Variants in PADI4 observed in about 807,000 individuals in gnomAD.
PADI4 encodes the protein peptidyl arginine deiminase 4.
Under a neutral mutation model 75.0 loss-of-function variants are expected in PADI4, and 62 were observed. That is an observed-to-expected ratio of 0.83 (90% CI 0.67 to 1.02). PADI4 has a LOEUF of 1.02. Ranked by LOEUF, PADI4 falls within the 50% of genes least tolerant of loss-of-function variation. The pLI, the probability that PADI4 is intolerant of heterozygous loss-of-function variation, is 0.00. For synonymous variants in PADI4, 361 were observed against 348.1 expected (o/e 1.04, Z -0.41); for missense variants, 845 against 850.5 (o/e 0.99, Z 0.08).
chr1:17,311,525 C>CTTTTT (rs563562288), intron 1 of PADI4, among the ~76,000 whole-genome samples: 1 of 145,412 alleles, frequency 6.9e-6, no homozygotes, highest in African/African-American at 2.5e-5. Context: ...TCTCCTTCTT[C>CTTTTT]TTTTTTTTTT....
At chr1:17,331,177 T>C in intron 2 of PADI4, 28 bp downstream of exon 2, 1 of 1,591,734 alleles carries the variant, frequency 6.3e-7, no homozygotes, top group Non-Finnish European at 8.6e-7. Context: ...GGGGTGGCAG[T>C]GTGGATGGGC....
In PADI4 at chr1:17,356,092, G is replaced by A. The variant is rs750630189; in HGVS notation, c.1420G>A (p.Glu474Lys). ...CTGGCTGTCCGTGGGCCACGTGGACGAGTTCCTGAGCTTTGTGCCAGCACC... is the reference window on the plus strand; with the variant it reads ...CTGGCTGTCCGTGGGCCACGTGGACAAGTTCCTGAGCTTTGTGCCAGCACC... ...SDWLSVGHVDEFLSFVPAPDR... is the reference protein window; with the variant it reads ...SDWLSVGHVDKFLSFVPAPDR... Residue 474 changes from glutamate to lysine, a missense_variant, in exon 12 of 16, where the codon GAG (glutamate) becomes AAG (lysine). Transcript: ENST00000375448. The surrounding 1 kb of genome is among the most constrained non-coding windows in gnomAD (Gnocchi z 4.1). 2.0e-5 allele frequency: 32 copies of A among 1,614,242 alleles called. No individual in the cohort carries two copies. The highest frequency in any genetic ancestry group is 4.5e-5 in the East Asian group (2 of 44,870).
chr1:17,354,014 T>C (rs901473399), intron 10 of PADI4, among the ~76,000 whole-genome samples: 2 of 151,014 alleles, frequency 1.3e-5, no homozygotes, highest in Non-Finnish European at 2.9e-5. Context: ...TCGAGGCAGA[T>C]GGATCACTTG....
chr1:17,354,249 A>G (rs549437361), intron 10 of PADI4, among the ~76,000 whole-genome samples: 13 of 151,982 alleles, frequency 8.6e-5, no homozygotes, highest in East Asian at 3.9e-4. Context: ...TCTTAAGGGG[A>G]AAAAAAATGA....
rs532970634 is a variant in PADI4, at chr1:17,352,361, T to C, written c.1156-2172T>C. Among the ~76,000 whole-genome samples the C allele has an allele frequency of 5.9e-5, 9 of 152,114 alleles. No homozygotes were observed. The South Asian group carries it at 1.9e-3, about 32-fold the overall frequency. Reference sequence around the variant, plus strand: ...TGGGGTTGGGCTTGTTGGCTACTGTTAAGGCTGCTTGTTTAGAAACTGAGA... The same window carrying C: ...TGGGGTTGGGCTTGTTGGCTACTGTCAAGGCTGCTTGTTTAGAAACTGAGA... On this transcript the variant is annotated intron_variant, in intron 10 of 15. Transcript: ENST00000375448.
intron 2 of PADI4, among the ~76,000 whole-genome samples, chr1:17,333,639 A>C (rs181673733): frequency 5.9e-5 from 9 of 151,444 alleles, no homozygotes; most frequent in African/African-American, 2.2e-4. Context: ...CCCCATCTCC[A>C]GCTGCTGGGC....
In PADI4 at chr1:17,364,004, A is replaced by G; in HGVS notation, c.*249A>G. Reference sequence around the variant, plus strand: ...GTTTTTTTAAGTCACTTTGTACATGAGGTCAAGATGTTGTTGGTATCATTC... The same window carrying G: ...GTTTTTTTAAGTCACTTTGTACATGGGGTCAAGATGTTGTTGGTATCATTC... On this transcript the variant is annotated 3_prime_UTR_variant, in exon 16 of 16. Transcript: ENST00000375448. The G allele has an allele frequency of 2.7e-6, 1 of 366,042 alleles. No individual in the cohort carries two copies. Among genetic ancestry groups the G allele is most frequent in the Admixed American group, 4.3e-5 (1 of 23,174 alleles). The allele number at this position is 366,042 out of a possible 1,614,324, so 22.7% of individuals were successfully genotyped here. A position where few individuals can be genotyped will look rare whatever the true frequency, so the allele number is the denominator to read the frequency against.
chr1:17,341,910 C>G, intron 6 of PADI4, 33 bp from the exon 7 acceptor site: 1 of 1,568,718 alleles, frequency 6.4e-7, no homozygotes. Context: ...GAAGTGGGGA[C>G]GCAGACCTGA....
At chr1:17,338,440 A>T (rs1313399440) in intron 5 of PADI4, among the ~76,000 whole-genome samples, 1 of 152,150 alleles carries the variant, frequency 6.6e-6, no homozygotes, top group Non-Finnish European at 1.5e-5. Context: ...AAACGCTCTT[A>T]GGTCAAACCT....
intron 15 of PADI4, among the ~76,000 whole-genome samples, chr1:17,363,149 C>T (rs545203208): frequency 1.1e-4 from 17 of 152,072 alleles, no homozygotes; most frequent in Admixed American, 7.9e-4. Flanking sequence ...CTCGCTCTGT[C>T]GCCCAAGCTG....
chr1:17,328,911 A>G (rs1464691869), intron 1 of PADI4, among the ~76,000 whole-genome samples: 2 of 151,704 alleles, frequency 1.3e-5, no homozygotes, highest in African/African-American at 2.4e-5. Context: ...ATCCTAAACT[A>G]CGCCTTCAGA....
chr1:17,343,325 G>A (rs2074456945), intron 8 of PADI4, among the ~76,000 whole-genome samples: 1 of 152,198 alleles, frequency 6.6e-6, no homozygotes, highest in South Asian at 2.1e-4. Context: ...TTTTGGGGAG[G>A]CCCAGGCAAT....
intron 1 of PADI4, among the ~76,000 whole-genome samples, chr1:17,314,169 G>C (rs545279191): frequency 2.1e-4 from 32 of 152,302 alleles, no homozygotes; most frequent in Admixed American, 2.0e-3. Flanking sequence ...TCCACCTGCT[G>C]TGTGCCCCTC....
intron 10 of PADI4, among the ~76,000 whole-genome samples, chr1:17,351,974 G>GGAGACAGGAGGCA (rs2074641884): frequency 1.9e-5 from 1 of 52,904 alleles, no homozygotes. Flanking sequence ...CGGCCAGGGA[G>GGAGACAGGAGGCA]GTGATGGGAG....
At chr1:17,314,983 G>A (rs183313825) in intron 1 of PADI4, among the ~76,000 whole-genome samples, 1 of 152,212 alleles carries the variant, frequency 6.6e-6, no homozygotes, top group Non-Finnish European at 1.5e-5. Context: ...CCAGGTCAGT[G>A]CCACCCGGGG....
chr1:17,338,468 G>T (rs901231780), intron 5 of PADI4, among the ~76,000 whole-genome samples: 2 of 152,242 alleles, frequency 1.3e-5, no homozygotes, highest in South Asian at 2.1e-4. Flanking sequence ...GAAATCCTTC[G>T]AAATGAAAGC....
intron 2 of PADI4, among the ~76,000 whole-genome samples, chr1:17,332,562 A>G (rs756485087): frequency 2.6e-5 from 4 of 152,124 alleles, no homozygotes; most frequent in Non-Finnish European, 4.4e-5. Flanking sequence ...AAGATCCTCA[A>G]CTTAGATCTG....
In PADI4 at chr1:17,331,034, C is replaced by T; in HGVS notation, c.158C>T (p.Ala53Val). The change falls in exon 2 of 16, where the codon GCC (alanine) becomes GTC (valine). Residue 53 changes from alanine (A) to valine (V), a missense_variant. Ala to Val is a moderately conservative substitution (Grantham distance 64). Transcript: ENST00000375448. Reference protein sequence around the residue: ...NASPGVVVDIAHGPPAKKKST... With the variant: ...NASPGVVVDIVHGPPAKKKST... The stretch of plus-strand genomic sequence containing the variant: ...TCCCCAGGGGTGGTCGTGGATATTG[C>T]CCACGGCCCTCCAGCCAAGAAGAAA... The T allele has an allele frequency of 6.2e-7, 1 of 1,609,064 alleles. No homozygotes were observed.
rs2074757156 is a variant in PADI4, at chr1:17,356,191, G to A, written c.1455+64G>A. On this transcript the variant is annotated intron_variant, in intron 12 of 15. Coordinates refer to ENST00000375448, the MANE Select transcript of PADI4 (RefSeq NM_012387.3). The surrounding 1 kb of genome is among the most constrained non-coding windows in gnomAD (Gnocchi z 4.1). ...TTCCTGGGTAGACCCTCTGCCTGGG[G>A]TGGGAGCAACTTTACTTGTCTATTT... 6.4e-7 allele frequency: 1 copy of A among 1,552,998 alleles called. No individual in the cohort carries two copies. Among genetic ancestry groups the A allele is most frequent in the African/African-American group, 1.4e-5 (1 of 73,308 alleles).
Sources: gnomAD v4.1 joint callset for allele counts (sites outside exome capture counted in the v4.1 genomes callset) on GRCh38, gnomAD v4.1.1 for gene constraint, Gnocchi (gnomAD v3.1) non-coding constraint, MANE v1.5 for transcripts, NCBI Gene and HGNC (gene_info 2026-07-23, HGNC 2026-07-21) for gene names.